Variants in FBLN1 observed in about 807,000 individuals in gnomAD.
FBLN1 encodes fibulin-1.
A neutral mutation model predicts 89.7 loss-of-function variants in FBLN1; 34 were observed. That is an observed-to-expected ratio of 0.38 (90% confidence interval 0.29 to 0.50). The LOEUF (loss-of-function observed/expected upper bound fraction) is 0.50, where lower values mean the gene tolerates loss of function less well. Ranked by LOEUF, FBLN1 falls within the 20% of genes least tolerant of loss-of-function variation. The pLI is 0.92. For missense variants in FBLN1, 777 were observed against 988.1 expected (o/e 0.79, Z 2.86); for synonymous variants, 393 against 391.3 (o/e 1.00, Z -0.05).
Position 45,563,352 on chromosome 22 carries a change from C to A in FBLN1, c.1698-11159C>A. 6.3e-7 allele frequency: 1 copy of A among 1,596,982 alleles called. No individual in the cohort carries two copies. Among genetic ancestry groups the A allele is most frequent in the South Asian group, 1.1e-5 (1 of 89,666 alleles). ...CGTTAATAAAGTCTTAGCAAGCGTC[C>A]CACACAGTGAGCCTCGCGTGCCTTG... On this transcript the variant is annotated intron_variant, in intron 14 of 16. Coordinates refer to ENST00000327858, the MANE Select transcript of FBLN1 (RefSeq NM_006486.3). The surrounding 1 kb of genome is among the most constrained non-coding windows in gnomAD (Gnocchi z 5.7).
chr22:45,532,872 C>A lies in FBLN1; in HGVS notation c.545-191C>A, dbSNP rs910837524. 3.2e-6 allele frequency: 2 copies of A among 632,978 alleles called. No individual in the cohort carries two copies. Among genetic ancestry groups the A allele is most frequent in the Admixed American group, 4.7e-5 (2 of 42,344 alleles). The allele number at this position is 632,978 out of a possible 1,614,324, so 39.2% of individuals were successfully genotyped here. ...GGAGGTTGGGACCTGAAGCAGCAGC[C>A]CCTGGGGGGTGTCCAGAGCCAGAGC... is the stretch of plus-strand genomic sequence containing the variant. On this transcript the variant is annotated intron_variant, in intron 5 of 16. Transcript: ENST00000327858. The surrounding 1 kb of genome is among the most constrained non-coding windows in gnomAD (Gnocchi z 4.2).
At position 45,547,108 on chromosome 22, in the gene FBLN1, C is replaced by G. The variant is rs2088639463; in HGVS notation, c.1345C>G (p.Pro449Ala). ...CEDINECSSS[P>A]CSQECANVYG... is the part of the protein sequence containing the mutation. Reference sequence around the variant, plus strand: ...AGACATCAATGAGTGCAGCAGCAGCCCCTGTAGCCAGGAGTGTGCCAACGT... The same window carrying G: ...AGACATCAATGAGTGCAGCAGCAGCGCCTGTAGCCAGGAGTGTGCCAACGT... The change falls in exon 12 of 17, where the codon CCC (proline) becomes GCC (alanine). Residue 449 changes from proline (P) to alanine (A), a missense_variant. Transcript: ENST00000327858. 1 of 1,613,984 alleles carries G rather than the reference C, an allele frequency of 6.2e-7. No homozygotes were observed. The highest frequency in any genetic ancestry group is 8.5e-7 in the Non-Finnish European group (1 of 1,180,040).
Position 45,537,860 on chromosome 22 carries a change from G to C in FBLN1, c.922+2523G>C, listed in dbSNP as rs112832309. ...TGAGCAGGGAAGCCATGGGCTCTCC[G>C]GGACCAGCGGGGAGGATAGTCCTGC... On this transcript the variant is annotated intron_variant, in intron 8 of 16. Transcript: ENST00000327858. This position sits in a 1 kb window ranked among gnomAD's most constrained non-coding sequence, Gnocchi z 5.7. Among the ~76,000 whole-genome samples, 3 of 152,308 alleles carry C rather than the reference G, an allele frequency of 2.0e-5. No homozygotes were observed. Among genetic ancestry groups the C allele is most frequent in the African/African-American group, 7.2e-5 (3 of 41,570 alleles).
chr22:45,566,371 G>A lies in FBLN1; in HGVS notation c.1698-8140G>A, dbSNP rs115099975. Among the ~76,000 whole-genome samples, 375 of 152,292 alleles carry A rather than the reference G, an allele frequency of 2.5e-3. 1 individual carries two copies. Among genetic ancestry groups the A allele is most frequent in the African/African-American group, 8.4e-3 (348 of 41,560 alleles). ...ATTTTGGGATCCCATCGACGTTTGC[G>A]TGTGTGCCTGAGTGCACTGTGGGAG... On this transcript the variant is annotated intron_variant, in intron 14 of 16. Coordinates refer to ENST00000327858, the MANE Select transcript of FBLN1 (RefSeq NM_006486.3).
intron 16 of FBLN1, among the ~76,000 whole-genome samples, chr22:45,596,839 T>C (rs1316447789): frequency 7.0e-6 from 1 of 143,744 alleles, no homozygotes; most frequent in Non-Finnish European, 1.5e-5. Context: ...ATTATATAAA[T>C]TTATATGTAA....
At position 45,530,522 on chromosome 22, in the gene FBLN1, C is replaced by T. The variant is rs547224390; in HGVS notation, c.485-743C>T. 9.9e-5 allele frequency among the ~76,000 whole-genome samples: 15 copies of T among 152,152 alleles called. No homozygotes were observed. The highest frequency in any genetic ancestry group is 3.1e-4 in the African/African-American group (13 of 41,500). On this transcript the variant is annotated intron_variant, in intron 4 of 16. Transcript: ENST00000327858. This position sits in a 1 kb window ranked among gnomAD's most constrained non-coding sequence, Gnocchi z 5.4. ...AGGTCCCCAGACCAGTGCTGGCCTG[C>T]GACAAATAAGTACAGAAATGGAGAA...
rs761252663 is a variant in FBLN1 at position 45,533,809 on chromosome 22, C to G, written c.695C>G (p.Ser232Cys). The change falls in exon 7 of 17, where the codon TCC (serine) becomes TGC (cysteine). Residue 232 changes from serine (S) to cysteine (C), a missense_variant. Physicochemically the swap from Ser to Cys is moderately radical, Grantham distance 112. Transcript: ENST00000327858. ...TGSHSCRLGESCINTVGSFRC... is the reference protein window; with the variant it reads ...TGSHSCRLGECCINTVGSFRC... Reference sequence around the variant, plus strand: ...AGCCACAGCTGCCGGCTTGGAGAATCCTGCATCAACACAGTGGGCTCTTTC... The same window carrying G: ...AGCCACAGCTGCCGGCTTGGAGAATGCTGCATCAACACAGTGGGCTCTTTC... The G allele has an allele frequency of 6.2e-7, 1 of 1,613,858 alleles. No homozygotes were observed. Among genetic ancestry groups the G allele is most frequent in the Non-Finnish European group, 8.5e-7 (1 of 1,180,028 alleles).
At position 45,563,967 on chromosome 22, in the gene FBLN1, C is replaced by A. The variant is rs575157250; in HGVS notation, c.1698-10544C>A. Among the ~76,000 whole-genome samples the A allele has an allele frequency of 2.6e-5, 4 of 152,260 alleles. No individual in the cohort carries two copies. In the South Asian group the frequency reaches 8.3e-4, roughly 32 times the overall value. On this transcript the variant is annotated intron_variant, in intron 14 of 16. Coordinates refer to ENST00000327858, the MANE Select transcript of FBLN1 (RefSeq NM_006486.3). The surrounding 1 kb of genome is among the most constrained non-coding windows in gnomAD (Gnocchi z 5.7). ...TTTTGCCCCCACTGAGGATCCTGGC[C>A]CTGTGCCGGGGGGAGGCAAAGGACC...
Position 45,532,774 on chromosome 22 carries a change from CTCTG to C in FBLN1, c.545-288_545-285del. The C allele has an allele frequency of 1.9e-6, 1 of 518,144 alleles. No homozygotes were observed. The highest frequency in any genetic ancestry group is 3.5e-6 in the Non-Finnish European group (1 of 284,648). The allele number at this position is 518,144 out of a possible 1,614,324, so 32.1% of individuals were successfully genotyped here. On this transcript the variant is annotated intron_variant, in intron 5 of 16. Transcript: ENST00000327858. This position sits in a 1 kb window ranked among gnomAD's most constrained non-coding sequence, Gnocchi z 4.2. ...TGTCTGTGACCGGCAGTGAGCTCTT[CTCTG>C]CTTCGCCCCTTCCAGGTCCACCCCA...
In FBLN1 at chr22:45,600,631, A is replaced by C; in HGVS notation, c.*185A>C. 1 of 722,504 alleles carries C rather than the reference A, an allele frequency of 1.4e-6. No individual in the cohort carries two copies. The highest frequency in any genetic ancestry group is 2.4e-6 in the Non-Finnish European group (1 of 414,596). 44.8% of individuals were successfully genotyped at this position (722,504 alleles called of 1,614,324 possible). A position where few individuals can be genotyped will look rare whatever the true frequency, so the allele number is the denominator to read the frequency against. ...CTGATGTATTTTCGGTGTTTAAAAAATGAGCCCAGTTGCTCAACTGTTTGG... is the reference window on the plus strand; with the variant it reads ...CTGATGTATTTTCGGTGTTTAAAAACTGAGCCCAGTTGCTCAACTGTTTGG... On this transcript the variant is annotated 3_prime_UTR_variant, in exon 17 of 17. Coordinates refer to ENST00000327858, the MANE Select transcript of FBLN1 (RefSeq NM_006486.3).
At chr22:45,544,097 T>C (rs1313829818) in intron 11 of FBLN1, among the ~76,000 whole-genome samples, 1 of 152,046 alleles carries the variant, frequency 6.6e-6, no homozygotes, top group Non-Finnish European at 1.5e-5. Flanking sequence ...ACTTCTTTTT[T>C]TTTTTTTGAG....
At position 45,588,595 on chromosome 22, in the gene FBLN1, A is replaced by G. The variant is rs997425325; in HGVS notation, c.1972+11487A>G. On this transcript the variant is annotated intron_variant, in intron 16 of 16. Transcript: ENST00000327858. The surrounding 1 kb of genome is among the most constrained non-coding windows in gnomAD (Gnocchi z 5.1). ...CATAACTGGCCGCAGGATCCCACAC[A>G]CCTGCTGACTTCCAGAGTCACCAAG... Among the ~76,000 whole-genome samples, 2 of 151,902 alleles carry G rather than the reference A, an allele frequency of 1.3e-5. No individual in the cohort carries two copies. Among genetic ancestry groups the G allele is most frequent in the African/African-American group, 4.8e-5 (2 of 41,326 alleles).
intron 16 of FBLN1, among the ~76,000 whole-genome samples, chr22:45,594,994 C>T (rs2089172588): frequency 6.6e-6 from 1 of 152,142 alleles, no homozygotes; most frequent in African/African-American, 2.4e-5. Context: ...TATTATGTGC[C>T]AGGAACTGAG....
Position 45,588,284 on chromosome 22 carries a change from G to A in FBLN1, c.1972+11176G>A, listed in dbSNP as rs1280855576. Among the ~76,000 whole-genome samples the A allele has an allele frequency of 3.3e-5, 5 of 152,180 alleles. No individual in the cohort carries two copies. Among genetic ancestry groups the A allele is most frequent in the Admixed American group, 2.6e-4 (4 of 15,286 alleles). On this transcript the variant is annotated intron_variant, in intron 16 of 16. Transcript: ENST00000327858. The surrounding 1 kb of genome is among the most constrained non-coding windows in gnomAD (Gnocchi z 5.1). ...AGAGGGAATGGCAGAGTGCTGGAGT[G>A]GCCATGCCTGGGGAACTCCTTCTGG...
chr22:45,539,400 C>T (rs1009822004), intron 8 of FBLN1, among the ~76,000 whole-genome samples: 8 of 151,744 alleles, frequency 5.3e-5, no homozygotes, highest in South Asian at 2.1e-4. Flanking sequence ...GGGGTTTTGC[C>T]GTGTTGGCCA....
rs2088425392 is a variant in FBLN1 at position 45,532,748 on chromosome 22, A to G, written c.545-315A>G. ...CCTTCCACGTGGAGCCCACACCCCC[A>G]TGTCTGTGACCGGCAGTGAGCTCTT... On this transcript the variant is annotated intron_variant, in intron 5 of 16. Transcript: ENST00000327858. The surrounding 1 kb of genome is among the most constrained non-coding windows in gnomAD (Gnocchi z 4.2). 2.2e-6 allele frequency: 1 copy of G among 456,016 alleles called. No individual in the cohort carries two copies. Among genetic ancestry groups the G allele is most frequent in the East Asian group, 4.4e-5 (1 of 22,710 alleles). The allele number at this position is 456,016 out of a possible 1,614,324, so 28.2% of individuals were successfully genotyped here.
chr22:45,587,880 A>T (rs1000717422), intron 16 of FBLN1, among the ~76,000 whole-genome samples: 1 of 151,992 alleles, frequency 6.6e-6, no homozygotes, highest in Admixed American at 6.6e-5. Context: ...CCACATGCAG[A>T]GTGTGCAGCT....
At position 45,597,929 on chromosome 22, in the gene FBLN1, T is replaced by A. The variant is rs1778011821; in HGVS notation, c.1973-2378T>A. Among the ~76,000 whole-genome samples, 1 of 152,132 alleles carries A rather than the reference T, an allele frequency of 6.6e-6. No individual in the cohort carries two copies. Among genetic ancestry groups the A allele is most frequent in the African/African-American group, 2.4e-5 (1 of 41,436 alleles). ...TGTGCCCAGATTCTCTTTCTGAGCGTGAACTTGATGTTCCTGACCAGGAAC... is the reference window on the plus strand; with the variant it reads ...TGTGCCCAGATTCTCTTTCTGAGCGAGAACTTGATGTTCCTGACCAGGAAC... On this transcript the variant is annotated intron_variant, in intron 16 of 16. Coordinates refer to ENST00000327858, the MANE Select transcript of FBLN1 (RefSeq NM_006486.3). This position sits in a 1 kb window ranked among gnomAD's most constrained non-coding sequence, Gnocchi z 4.2.
chr22:45,533,909 C>T lies in FBLN1; in HGVS notation c.784+11C>T, dbSNP rs377281271. On this transcript the variant is annotated intron_variant, in intron 7 of 16. Transcript: ENST00000327858. ...ACAATAGCTGCAAAGGTACAGCATG[C>T]GCTCCGAGTCTGCAAACCTGGTCTT... 1.4e-4 allele frequency: 223 copies of T among 1,613,506 alleles called. No individual in the cohort carries two copies. The African/African-American group carries it at 2.3e-3, about 17-fold the overall frequency.
Sources: gnomAD v4.1 joint callset for allele counts (sites outside exome capture counted in the v4.1 genomes callset) on GRCh38, gnomAD v4.1.1 for gene constraint, Gnocchi (gnomAD v3.1) non-coding constraint, MANE v1.5 for transcripts, NCBI Gene and HGNC (gene_info 2026-07-23, HGNC 2026-07-21) for gene names.